The following PRIMA1 variants were observed in gnomAD, a reference collection of about 807,000 sequenced individuals.
The protein encoded by PRIMA1 is proline-rich membrane anchor 1.
PRIMA1 carries 7 observed loss-of-function variants against 17.5 expected under a neutral mutation model. The observed-to-expected ratio is 0.40, with a 90% CI of 0.23 to 0.75. The LOEUF (loss-of-function observed/expected upper bound fraction) is 0.75. Among genes scored for constraint, PRIMA1 ranks in the 30% least tolerant of loss-of-function variants. The pLI is 0.37. For synonymous variants in PRIMA1, 97 were observed against 77.9 expected (o/e 1.25, Z -1.29); for missense variants, 200 against 201.8 (o/e 0.99, Z 0.05).
chr14:93,745,114 G>A (rs1478896699), intron 3 of PRIMA1, among the ~76,000 whole-genome samples: 1 of 152,164 alleles, frequency 6.6e-6, no homozygotes, highest in African/African-American at 2.4e-5. Context: ...ACTGCCTCCT[G>A]CATGCCAACC....
chr14:93,788,939 C>T (rs1885613779), upstream of PRIMA1, among the ~76,000 whole-genome samples: 1 of 152,144 alleles, frequency 6.6e-6, no homozygotes, highest in African/African-American at 2.4e-5. Flanking sequence ...ACTACCCTCA[C>T]GCTGGCCCGC....
chr14:93,774,331 G>C (rs1482090248), intron 3 of PRIMA1, among the ~76,000 whole-genome samples: 1 of 152,178 alleles, frequency 6.6e-6, no homozygotes, highest in Non-Finnish European at 1.5e-5. Context: ...ACCCTGAGGG[G>C]CAGGGCAGCA....
At chr14:93,785,014 A>G (rs1339476291) in intron 2 of PRIMA1, among the ~76,000 whole-genome samples, 1 of 152,094 alleles carries the variant, frequency 6.6e-6, no homozygotes, top group Non-Finnish European at 1.5e-5. Context: ...CAGCACACAG[A>G]GACCCATAAG....
chr14:93,749,059 G>A (rs561405771), intron 3 of PRIMA1, among the ~76,000 whole-genome samples: 1 of 152,258 alleles, frequency 6.6e-6, no homozygotes, highest in Non-Finnish European at 1.5e-5. Flanking sequence ...CTCTTTGTTA[G>A]ACTCCTTAAG....
Position 93,787,617 on chromosome 14 carries a change from G to C in PRIMA1, c.93+9C>G. On this transcript the variant is annotated intron_variant, in intron 2 of 4. Transcript: ENST00000393140. ...CCCTCCCAGCCAGTGCGCAGCCGGCGCGTCTCACCTGCACGAAGCCCCAGA... is the reference window on the plus strand; with the variant it reads ...CCCTCCCAGCCAGTGCGCAGCCGGCCCGTCTCACCTGCACGAAGCCCCAGA... 1.3e-6 allele frequency: 2 copies of C among 1,540,372 alleles called. No individual in the cohort carries two copies. The highest frequency in any genetic ancestry group is 1.7e-6 in the Non-Finnish European group (2 of 1,146,760).
intron 2 of PRIMA1, among the ~76,000 whole-genome samples, chr14:93,781,567 C>T (rs559925369): frequency 6.6e-6 from 1 of 152,350 alleles, no homozygotes; most frequent in East Asian, 1.9e-4. Flanking sequence ...ACACAATGAC[C>T]TATTTTTGTG....
intron 3 of PRIMA1, among the ~76,000 whole-genome samples, chr14:93,758,747 C>T (rs1180350142): frequency 6.6e-6 from 1 of 152,204 alleles, no homozygotes; most frequent in Non-Finnish European, 1.5e-5. Flanking sequence ...GTCCCTGGAT[C>T]AACTCAATGT....
rs941006125 is a variant in PRIMA1 at position 93,726,305 on chromosome 14, G to A, written c.360-4759C>T. Among the ~76,000 whole-genome samples the A allele has an allele frequency of 6.6e-6, 1 of 152,140 alleles. No homozygotes were observed. Among genetic ancestry groups the A allele is most frequent in the African/African-American group, 2.4e-5 (1 of 41,422 alleles). ...GCTGATCATGATGTGACAGCCTCCC[G>A]CTCAGCCTGCTGCTCTGTGGGGATG... On this transcript the variant is annotated intron_variant, in intron 4 of 4. Transcript: ENST00000393140. This position sits in a 1 kb window ranked among gnomAD's most constrained non-coding sequence, Gnocchi z 4.2.
At chr14:93,780,079 A>G (rs10143350) in intron 2 of PRIMA1, among the ~76,000 whole-genome samples, 107,638 of 152,146 alleles carry the variant, frequency 0.71, 38,820 homozygotes, top group Non-Finnish European at 0.77. Flanking sequence ...CTCTCTCCCC[A>G]TCTCTCTGCC....
chr14:93,755,927 G>A (rs573078786), intron 3 of PRIMA1, among the ~76,000 whole-genome samples: 8 of 152,230 alleles, frequency 5.3e-5, no homozygotes, highest in East Asian at 1.9e-4. Context: ...TTACTCCAGC[G>A]GTTCCGTGGC....
chr14:93,724,675 A>C (rs1319181494), intron 4 of PRIMA1, among the ~76,000 whole-genome samples: 1 of 152,190 alleles, frequency 6.6e-6, no homozygotes, highest in East Asian at 1.9e-4. Flanking sequence ...TCACGAATAC[A>C]TGAAGGGAAG....
chr14:93,747,766 G>C (rs2076229806), intron 3 of PRIMA1, among the ~76,000 whole-genome samples: 1 of 147,934 alleles, frequency 6.8e-6, no homozygotes, highest in African/African-American at 2.5e-5. Context: ...GCAAGTGTGT[G>C]GGAGAGTGTG....
At chr14:93,754,977 T>C (rs1031795269) in intron 3 of PRIMA1, among the ~76,000 whole-genome samples, 4 of 152,188 alleles carry the variant, frequency 2.6e-5, no homozygotes, top group Non-Finnish European at 4.4e-5. Flanking sequence ...AAGGCACGGC[T>C]GGCTTGGCTC....
At chr14:93,722,006 G>C (rs1023973232) in intron 4 of PRIMA1, among the ~76,000 whole-genome samples, 1 of 152,164 alleles carries the variant, frequency 6.6e-6, no homozygotes, top group East Asian at 1.9e-4. Flanking sequence ...AGCAGATGGT[G>C]CTAGTGGTGA....
intron 3 of PRIMA1, among the ~76,000 whole-genome samples, chr14:93,743,182 C>T (rs2076194627): frequency 6.6e-6 from 1 of 152,176 alleles, no homozygotes; most frequent in African/African-American, 2.4e-5. Context: ...GTCTCTTGAC[C>T]CTGTGAGTGG....
At position 93,722,773 on chromosome 14, in the gene PRIMA1, A is replaced by G. The variant is rs61981658; in HGVS notation, c.360-1227T>C. On this transcript the variant is annotated intron_variant, in intron 4 of 4. Transcript: ENST00000393140. Reference sequence around the variant, plus strand: ...GGTGATGGAGGTGATGATGGCGGTGATGATGGTGACAGTGGTAATGAAGAT... The same window carrying G: ...GGTGATGGAGGTGATGATGGCGGTGGTGATGGTGACAGTGGTAATGAAGAT... Among the ~76,000 whole-genome samples the G allele has an allele frequency of 1.2e-3, 161 of 131,670 alleles. 1 individual carries two copies. The highest frequency in any genetic ancestry group is 2.8e-3 in the African/African-American group (92 of 32,582). The allele number at this position is 131,670 out of a possible 152,430, so 86.4% of individuals were successfully genotyped here.
intron 3 of PRIMA1, among the ~76,000 whole-genome samples, chr14:93,762,066 C>T (rs1884744176): frequency 6.6e-6 from 1 of 152,160 alleles, no homozygotes; most frequent in Non-Finnish European, 1.5e-5. Flanking sequence ...GGGGCCTTGC[C>T]CTGGGCCAGG....
intron 3 of PRIMA1, among the ~76,000 whole-genome samples, chr14:93,770,382 G>A (rs550496621): frequency 2.6e-5 from 4 of 152,290 alleles, no homozygotes; most frequent in South Asian, 2.1e-4. Flanking sequence ...TGTGCGGTCC[G>A]GGCACTGCCT....
intron 4 of PRIMA1, among the ~76,000 whole-genome samples, chr14:93,732,456 C>T (rs1327655782): frequency 1.3e-5 from 2 of 152,218 alleles, no homozygotes; most frequent in Non-Finnish European, 2.9e-5. Flanking sequence ...TGGACGGACA[C>T]TCGTGTTGTC....
Sources: allele counts gnomAD v4.1 joint callset (sites outside exome capture counted in the v4.1 genomes callset), GRCh38; gene constraint gnomAD v4.1.1; non-coding constraint Gnocchi (gnomAD v3.1); transcripts MANE v1.5; gene names NCBI Gene and HGNC (gene_info 2026-07-23, HGNC 2026-07-21).